ST8SIA6: variants seen among roughly 807,000 people sequenced by gnomAD.
ST8SIA6 encodes alpha-2,8-sialyltransferase 8F.
Under a neutral mutation model 33.6 loss-of-function variants are expected in ST8SIA6, and 39 were observed. The observed-to-expected ratio is 1.16, with a 90% confidence interval of 0.90 to 1.52. ST8SIA6 has a LOEUF of 1.52. Among genes scored for constraint, ST8SIA6 ranks in the 40% most tolerant of loss-of-function variants. The pLI, the probability that ST8SIA6 is intolerant of heterozygous loss-of-function variation, is 0.00. For missense variants in ST8SIA6, 441 were observed against 443.8 expected (o/e 0.99, Z 0.06); for synonymous variants, 172 against 167.2 (o/e 1.03, Z -0.22).
At chr10:17,398,933 C>G (rs1850927711) in intron 2 of ST8SIA6, among the ~76,000 whole-genome samples, 1 of 152,128 alleles carries the variant, frequency 6.6e-6, no homozygotes, top group South Asian at 2.1e-4. Context: ...TAGCCACCGC[C>G]CCTGCAACAC....
chr10:17,363,870 C>T (rs1465765655), intron 3 of ST8SIA6, among the ~76,000 whole-genome samples: 2 of 152,194 alleles, frequency 1.3e-5, no homozygotes, highest in Non-Finnish European at 2.9e-5. Flanking sequence ...CTGGCTCATA[C>T]TCATTCATTA....
intron 4 of ST8SIA6, among the ~76,000 whole-genome samples, chr10:17,355,174 C>G (rs2131612670): frequency 6.6e-6 from 1 of 152,198 alleles, no homozygotes; most frequent in South Asian, 2.1e-4. Flanking sequence ...TTCATTTTCT[C>G]TTAGCATTTA....
chr10:17,416,366 C>CT (rs1851607902), intron 2 of ST8SIA6, among the ~76,000 whole-genome samples: 1 of 152,204 alleles, frequency 6.6e-6, no homozygotes, highest in African/African-American at 2.4e-5. Flanking sequence ...AGTCCTATCT[C>CT]TCTGGCGATG....
intron 2 of ST8SIA6, among the ~76,000 whole-genome samples, chr10:17,449,373 G>T (rs1457474227): frequency 6.6e-6 from 1 of 152,142 alleles, no homozygotes; most frequent in African/African-American, 2.4e-5. Flanking sequence ...CAAGAGAAAG[G>T]ATCCATTGTA....
intron 2 of ST8SIA6, among the ~76,000 whole-genome samples, chr10:17,412,936 A>G (rs1167383649): frequency 6.6e-6 from 1 of 152,234 alleles, no homozygotes; most frequent in Non-Finnish European, 1.5e-5. Context: ...TTAAATTGTC[A>G]TGTGTACTCC....
At chr10:17,357,798 A>G (rs903688802) in intron 4 of ST8SIA6, among the ~76,000 whole-genome samples, 2 of 152,218 alleles carry the variant, frequency 1.3e-5, no homozygotes, top group Non-Finnish European at 2.9e-5. Flanking sequence ...TGATCATTAC[A>G]GTCATTACAA....
At chr10:17,385,542 A>G (rs1458434261) in intron 3 of ST8SIA6, among the ~76,000 whole-genome samples, 1 of 150,594 alleles carries the variant, frequency 6.6e-6, no homozygotes, top group African/African-American at 2.5e-5. Flanking sequence ...GGAAAATGAC[A>G]GTTAAAGGGG....
intron 5 of ST8SIA6, among the ~76,000 whole-genome samples, chr10:17,330,353 G>A (rs1848257104): frequency 6.6e-6 from 1 of 152,056 alleles, no homozygotes; most frequent in Non-Finnish European, 1.5e-5. Context: ...ACTTTCCAAG[G>A]CTTTCCCTGA....
intron 4 of ST8SIA6, among the ~76,000 whole-genome samples, chr10:17,331,768 G>A (rs1392736677): frequency 6.6e-6 from 1 of 151,842 alleles, no homozygotes; most frequent in African/African-American, 2.4e-5. Flanking sequence ...TTTGTCTTTT[G>A]TTTAATCTTA....
chr10:17,421,794 T>G (rs1851787305), intron 2 of ST8SIA6, among the ~76,000 whole-genome samples: 1 of 152,300 alleles, frequency 6.6e-6, no homozygotes, highest in African/African-American at 2.4e-5. Flanking sequence ...CTCAAACTCC[T>G]GAGCTCCAGT....
At chr10:17,437,303 A>G (rs1219179004) in intron 2 of ST8SIA6, among the ~76,000 whole-genome samples, 1 of 152,038 alleles carries the variant, frequency 6.6e-6, no homozygotes, top group Non-Finnish European at 1.5e-5. Flanking sequence ...GGGACTACAC[A>G]TGTGCCATCA....
intron 2 of ST8SIA6, among the ~76,000 whole-genome samples, chr10:17,428,788 G>A (rs918617570): frequency 3.3e-5 from 5 of 152,194 alleles, no homozygotes; most frequent in East Asian, 1.9e-4. Context: ...CGTGTGATGC[G>A]GAAGGCATGG....
At chr10:17,349,182 C>T (rs1848951180) in intron 4 of ST8SIA6, among the ~76,000 whole-genome samples, 1 of 152,188 alleles carries the variant, frequency 6.6e-6, no homozygotes, top group South Asian at 2.1e-4. Flanking sequence ...AAAGTTCAAA[C>T]AGAACGAACT....
rs139653390 is a variant in ST8SIA6, at chr10:17,432,379, C to T, written c.200+21180G>A. The stretch of plus-strand genomic sequence containing the variant: ...GGGGACACTAGTTCTGAGGCAATTA[C>T]AACAATCCGGGCAGACAGGAGGAGA... On this transcript the variant is annotated intron_variant, in intron 2 of 7. Transcript: ENST00000377602. 2.5e-3 allele frequency among the ~76,000 whole-genome samples: 378 copies of T among 152,282 alleles called. 1 individual carries two copies. The highest frequency in any genetic ancestry group is 3.6e-3 in the Non-Finnish European group (243 of 68,024).
intron 4 of ST8SIA6, among the ~76,000 whole-genome samples, chr10:17,348,121 G>C (rs939705425): frequency 1.5e-4 from 23 of 151,428 alleles, no homozygotes; most frequent in Admixed American, 1.3e-4. Flanking sequence ...ATTGTTCAAT[G>C]TGTGAAGAAG....
intron 2 of ST8SIA6, among the ~76,000 whole-genome samples, chr10:17,428,370 T>C (rs1418671111): frequency 6.6e-6 from 1 of 152,286 alleles, no homozygotes; most frequent in East Asian, 1.9e-4. Flanking sequence ...CATTCACTGA[T>C]GTAGCAAATG....
Position 17,324,708 on chromosome 10 carries a change from T to TACACACACACAC in ST8SIA6, c.636-1563_636-1552dup, listed in dbSNP as rs6143806. 8.1e-4 allele frequency among the ~76,000 whole-genome samples: 114 copies of TACACACACACAC among 140,024 alleles called. No individual in the cohort carries two copies. The South Asian group carries it at 8.6e-3, about 11-fold the overall frequency. 91.9% of individuals were successfully genotyped at this position (140,024 alleles called of 152,430 possible). A position where few individuals can be genotyped will look rare whatever the true frequency, so the allele number is the denominator to read the frequency against. Reference sequence around the variant, plus strand: ...CAGGTATTTTCCTGAATATAGAGTATACACACACACACACACACACACACA... The same window carrying TACACACACACAC: ...CAGGTATTTTCCTGAATATAGAGTATACACACACACACACACACACACACACACACACACACA... On this transcript the variant is annotated intron_variant, in intron 6 of 7. Coordinates refer to ENST00000377602, the MANE Select transcript of ST8SIA6 (RefSeq NM_001004470.3).
chr10:17,441,828 G>A (rs1852504836), intron 2 of ST8SIA6, among the ~76,000 whole-genome samples: 1 of 151,728 alleles, frequency 6.6e-6, no homozygotes, highest in African/African-American at 2.4e-5. Flanking sequence ...CTAAACACAA[G>A]CTCTAATTTT....
intron 4 of ST8SIA6, among the ~76,000 whole-genome samples, chr10:17,358,973 C>T (rs1322430129): frequency 6.6e-6 from 1 of 152,122 alleles, no homozygotes; most frequent in African/African-American, 2.4e-5. Flanking sequence ...TCTGGATGGG[C>T]TACAAGTTTT....
Sources: allele counts gnomAD v4.1 joint callset (sites outside exome capture counted in the v4.1 genomes callset), GRCh38; gene constraint gnomAD v4.1.1; transcripts MANE v1.5; gene names NCBI Gene and HGNC (gene_info 2026-07-23, HGNC 2026-07-21).